POLH: variants seen among roughly 807,000 people sequenced by gnomAD.
The protein encoded by POLH is DNA polymerase eta.
Under a neutral mutation model 73.6 loss-of-function variants are expected in POLH, and 53 were observed. The ratio of observed to expected loss-of-function variants is 0.72; its 90% CI spans 0.58 to 0.91. The LOEUF is 0.91. POLH is among the 40% of genes least tolerant of loss of function. POLH has a pLI of 0.00. For synonymous variants in POLH, 292 were observed against 308.5 expected, an observed-to-expected ratio of 0.95 and a Z score of 0.56; for missense variants, 768 against 865.4, an observed-to-expected ratio of 0.89 and a Z score of 1.41.
At chr6:43,611,604 T>C (rs1280327885) in intron 10 of POLH, among the ~76,000 whole-genome samples, 1 of 152,166 alleles carries the variant, frequency 6.6e-6, no homozygotes, top group Non-Finnish European at 1.5e-5. Context: ...AATAGAAATA[T>C]AATTATGAGA....
At chr6:43,599,774 C>G (rs1766519407) in intron 5 of POLH, among the ~76,000 whole-genome samples, 1 of 150,802 alleles carries the variant, frequency 6.6e-6, no homozygotes, top group Non-Finnish European at 1.5e-5. Flanking sequence ...TTAAAACATA[C>G]AAATATAATT....
intron 3 of POLH, among the ~76,000 whole-genome samples, chr6:43,585,074 G>T (rs767083739): frequency 1.3e-5 from 2 of 152,086 alleles, no homozygotes; most frequent in East Asian, 3.8e-4. Context: ...TGGGAGGGTC[G>T]CTTGAGCCCA....
intron 1 of POLH, among the ~76,000 whole-genome samples, chr6:43,578,066 C>T (rs1482646272): frequency 6.9e-6 from 1 of 144,330 alleles, no homozygotes; most frequent in Non-Finnish European, 1.5e-5. Flanking sequence ...GGGTGACAGA[C>T]GGAGACTCTG....
At chr6:43,600,091 G>A (rs1766562616) in intron 5 of POLH, among the ~76,000 whole-genome samples, 1 of 151,954 alleles carries the variant, frequency 6.6e-6, no homozygotes, top group South Asian at 2.1e-4. Context: ...CCAGGAGGTG[G>A]AGGTTGCAGT....
At chr6:43,585,282 G>A (rs1432563828) in intron 3 of POLH, among the ~76,000 whole-genome samples, 2 of 152,240 alleles carry the variant, frequency 1.3e-5, no homozygotes, top group South Asian at 2.1e-4. Flanking sequence ...GAACCTCTCC[G>A]GACCCTGTCC....
At chr6:43,589,814 T>A (rs1356586153) in intron 4 of POLH, among the ~76,000 whole-genome samples, 1 of 152,058 alleles carries the variant, frequency 6.6e-6, no homozygotes, top group African/African-American at 2.4e-5. Flanking sequence ...TGTGCCATCA[T>A]GCCTGGCTAA....
At position 43,620,142 on chromosome 6, in the gene POLH, TC is replaced by T; in HGVS notation, c.*5586del. Reference sequence around the variant, plus strand: ...ACCTTTTGTCTCTAAATTCTACTCTTCTTTAAGTAGCTGGCACTGTATCTCT... The same window carrying T: ...ACCTTTTGTCTCTAAATTCTACTCTTTTTAAGTAGCTGGCACTGTATCTCT... On this transcript the variant is annotated 3_prime_UTR_variant, in exon 11 of 11. Transcript: ENST00000372236. 1 of 415,088 alleles carries T rather than the reference TC, an allele frequency of 2.4e-6. No individual in the cohort carries two copies. Among genetic ancestry groups the T allele is most frequent in the Non-Finnish European group, 4.6e-6 (1 of 219,098 alleles). 25.7% of individuals were successfully genotyped at this position (415,088 alleles called of 1,614,324 possible).
At chr6:43,581,887 C>G (rs545467279) in intron 1 of POLH, among the ~76,000 whole-genome samples, 4 of 151,384 alleles carry the variant, frequency 2.6e-5, no homozygotes, top group Admixed American at 6.6e-5. Context: ...CTAGGGCCTC[C>G]GGCGCCGCGA....
At chr6:43,613,535 A>T in intron 10 of POLH, 125 bp from the exon 11 acceptor site, 1 of 787,704 alleles carries the variant, frequency 1.3e-6, no homozygotes, top group Non-Finnish European at 2.1e-6. Context: ...CCAGAATGCT[A>T]GTCATCTATG....
rs1189770073 is a variant in POLH, at chr6:43,616,695, C to G, written c.*2138C>G. Among the ~76,000 whole-genome samples, 4 of 152,246 alleles carry G rather than the reference C, an allele frequency of 2.6e-5. No individual in the cohort carries two copies. Among genetic ancestry groups the G allele is most frequent in the African/African-American group, 9.6e-5 (4 of 41,536 alleles). On this transcript the variant is annotated 3_prime_UTR_variant, in exon 11 of 11. Coordinates refer to ENST00000372236, the MANE Select transcript of POLH (RefSeq NM_006502.3). ...TTCAGCTGAAGAATGTGAGATGAAG[C>G]CTTGAAACCCTAAAAGTGATATGGT... is the stretch of plus-strand genomic sequence containing the variant.
chr6:43,590,429 G>A (rs1765326954), intron 4 of POLH, among the ~76,000 whole-genome samples: 1 of 150,578 alleles, frequency 6.6e-6, no homozygotes, highest in Non-Finnish European at 1.5e-5. Context: ...CCAGGTCTAA[G>A]AATTTGCATA....
intron 3 of POLH, among the ~76,000 whole-genome samples, chr6:43,585,798 A>T (rs1278475820): frequency 4.0e-5 from 6 of 151,448 alleles, no homozygotes; most frequent in Non-Finnish European, 7.4e-5. Context: ...GTCATGTGCC[A>T]CCGTGCTGGC....
At chr6:43,589,986 C>T (rs1041841406) in intron 4 of POLH, among the ~76,000 whole-genome samples, 2 of 151,630 alleles carry the variant, frequency 1.3e-5, no homozygotes, top group African/African-American at 4.8e-5. Context: ...GTGATATAAT[C>T]TGTATGAAGT....
chr6:43,589,806 T>C (rs1211216354), intron 4 of POLH, among the ~76,000 whole-genome samples: 4 of 151,886 alleles, frequency 2.6e-5, no homozygotes, highest in Admixed American at 1.3e-4. Flanking sequence ...TACAAGTATG[T>C]GCCATCATGC....
intron 3 of POLH, among the ~76,000 whole-genome samples, chr6:43,584,106 G>A (rs1764553943): frequency 6.6e-6 from 1 of 152,194 alleles, no homozygotes; most frequent in Admixed American, 6.5e-5. Flanking sequence ...TCACACCACT[G>A]CACTCCGGTC....
chr6:43,613,075 G>A (rs758594000), intron 10 of POLH, among the ~76,000 whole-genome samples: 24 of 152,218 alleles, frequency 1.6e-4, no homozygotes, highest in Non-Finnish European at 3.5e-4. Flanking sequence ...TGGGATTACA[G>A]GTGTGAGCCA....
rs755042748 is a variant in POLH, at chr6:43,583,158, A to G, written c.272+17A>G. The G allele has an allele frequency of 1.2e-6, 2 of 1,612,212 alleles. No individual in the cohort carries two copies. Among genetic ancestry groups the G allele is most frequent in the East Asian group, 4.5e-5 (2 of 44,862 alleles). On this transcript the variant is annotated intron_variant, in intron 3 of 10. Coordinates refer to ENST00000372236, the MANE Select transcript of POLH (RefSeq NM_006502.3). The stretch of plus-strand genomic sequence containing the variant: ...CCTCACCAAGTAAGAAAAAAACATT[A>G]TTTAAGGAGACATAAAGGAGTCGAA...
chr6:43,577,651 T>C (rs1046636284), intron 1 of POLH, among the ~76,000 whole-genome samples: 3 of 152,210 alleles, frequency 2.0e-5, no homozygotes, highest in Admixed American at 6.5e-5. Context: ...TGAAAAACTT[T>C]TTTTAGAATA....
At chr6:43,610,052 G>T (rs1466947932) in intron 9 of POLH, among the ~76,000 whole-genome samples, 10 of 141,866 alleles carry the variant, frequency 7.0e-5, no homozygotes, top group Non-Finnish European at 1.2e-4. Flanking sequence ...CATATATATA[G>T]ATTCTTTTTT....
Sources: gnomAD v4.1 joint callset for allele counts (sites outside exome capture counted in the v4.1 genomes callset) on GRCh38, gnomAD v4.1.1 for gene constraint, MANE v1.5 for transcripts, NCBI Gene and HGNC (gene_info 2026-07-23, HGNC 2026-07-21) for gene names.